The following DYNC1I1 variants were observed in gnomAD, a reference collection of about 807,000 sequenced individuals.
DYNC1I1 encodes the protein cytoplasmic dynein 1 intermediate chain 1.
A neutral mutation model predicts 86.6 loss-of-function variants in DYNC1I1; 43 were observed. The observed-to-expected ratio is 0.50, with a 90% CI of 0.39 to 0.64. The LOEUF (loss-of-function observed/expected upper bound fraction) is 0.64. Among genes scored for constraint, DYNC1I1 ranks in the 30% least tolerant of loss-of-function variants. The pLI is 0.00. For missense variants in DYNC1I1, 604 were observed against 788.8 expected (o/e 0.77, Z 2.81); for synonymous variants, 262 against 283.7 (o/e 0.92, Z 0.77).
intron 6 of DYNC1I1, among the ~76,000 whole-genome samples, chr7:95,914,480 C>T (rs1453565669): frequency 6.6e-6 from 1 of 152,074 alleles, no homozygotes; most frequent in Non-Finnish European, 1.5e-5. Flanking sequence ...ATATTTTCAC[C>T]CTTTAATAAA....
chr7:95,929,540 AT>A (rs774857385), intron 6 of DYNC1I1, among the ~76,000 whole-genome samples: 1 of 152,054 alleles, frequency 6.6e-6, no homozygotes, highest in Non-Finnish European at 1.5e-5. Flanking sequence ...TTGCTTGTAA[AT>A]TTTTTGAAAG....
intron 6 of DYNC1I1, among the ~76,000 whole-genome samples, chr7:95,955,970 C>T (rs961557417): frequency 6.6e-6 from 1 of 152,142 alleles, no homozygotes; most frequent in Admixed American, 6.5e-5. Flanking sequence ...TTGTTTATTA[C>T]ACTTGGCTAA....
intron 6 of DYNC1I1, among the ~76,000 whole-genome samples, chr7:95,912,407 T>A (rs929509586): frequency 6.6e-6 from 1 of 152,198 alleles, no homozygotes; most frequent in Non-Finnish European, 1.5e-5. Flanking sequence ...ATCTGGCTTG[T>A]TCTGTTCTCC....
At chr7:95,948,492 G>A (rs1792465412) in intron 6 of DYNC1I1, among the ~76,000 whole-genome samples, 1 of 152,144 alleles carries the variant, frequency 6.6e-6, no homozygotes, top group African/African-American at 2.4e-5. Flanking sequence ...GGGCACAGTG[G>A]GAGTGGCTTT....
intron 3 of DYNC1I1, among the ~76,000 whole-genome samples, chr7:95,812,461 T>C (rs796550805): frequency 6.6e-6 from 1 of 152,300 alleles, no homozygotes; most frequent in South Asian, 2.1e-4. Context: ...ATTTTCAGCT[T>C]GTGCCGACCT....
intron 1 of DYNC1I1, among the ~76,000 whole-genome samples, chr7:95,797,359 C>G (rs1794467139): frequency 6.6e-6 from 1 of 152,122 alleles, no homozygotes; most frequent in African/African-American, 2.4e-5. Flanking sequence ...ATATTTGTTG[C>G]TAATGATAAA....
Position 95,941,011 on chromosome 7 carries a change from C to T in DYNC1I1, c.491-36501C>T, listed in dbSNP as rs540023639. Among the ~76,000 whole-genome samples the T allele has an allele frequency of 3.9e-5, 6 of 152,336 alleles. No individual in the cohort carries two copies. The South Asian group carries it at 1.2e-3, about 32-fold the overall frequency. ...TCCTTTCTGTTTGTTAGTTTTCCTT[C>T]TAACAGACAGGACCCTCAGCTACAG... On this transcript the variant is annotated intron_variant, in intron 6 of 16. Coordinates refer to ENST00000447467, the MANE Select transcript of DYNC1I1 (RefSeq NM_001135556.2).
intron 10 of DYNC1I1, among the ~76,000 whole-genome samples, chr7:96,021,046 A>T (rs1445339188): frequency 6.6e-6 from 1 of 152,140 alleles, no homozygotes; most frequent in Non-Finnish European, 1.5e-5. Flanking sequence ...TTTAACGGGT[A>T]CCAAGTTTCA....
At chr7:95,860,435 A>G (rs926661045) in intron 5 of DYNC1I1, among the ~76,000 whole-genome samples, 2 of 152,220 alleles carry the variant, frequency 1.3e-5, no homozygotes, top group Admixed American at 6.5e-5. Context: ...AGGAAAATCT[A>G]TGGCAGCATC....
rs80240962 is a variant in DYNC1I1 at position 96,069,529 on chromosome 7, G to C, written c.1510-6528G>C. On this transcript the variant is annotated intron_variant, in intron 14 of 16. Transcript: ENST00000447467. ...AAAAGAGCATCCTTGCTTGCTTACT[G>C]TTTTCACAATGGTTCTATATAGATT... Among the ~76,000 whole-genome samples the C allele has an allele frequency of 5.2e-3, 788 of 152,246 alleles. 8 individuals carry two copies. Among genetic ancestry groups the C allele is most frequent in the African/African-American group, 0.018 (755 of 41,556 alleles).
intron 6 of DYNC1I1, among the ~76,000 whole-genome samples, chr7:95,897,353 GC>G (rs1258398982): frequency 6.6e-6 from 1 of 152,016 alleles, no homozygotes; most frequent in African/African-American, 2.4e-5. Context: ...TGAAGGTAGG[GC>G]CTGTTTGATA....
intron 14 of DYNC1I1, among the ~76,000 whole-genome samples, chr7:96,051,294 T>C (rs889158218): frequency 6.6e-6 from 1 of 152,228 alleles, no homozygotes; most frequent in Admixed American, 6.5e-5. Flanking sequence ...TCCCTTTCTT[T>C]AGACTTCAAT....
At chr7:95,791,362 C>G (rs1794297680) in intron 1 of DYNC1I1, among the ~76,000 whole-genome samples, 1 of 152,202 alleles carries the variant, frequency 6.6e-6, no homozygotes, top group South Asian at 2.1e-4. Context: ...GAGAATCTGG[C>G]TCCTTTATCA....
intron 6 of DYNC1I1, among the ~76,000 whole-genome samples, chr7:95,964,226 G>T (rs1488499): frequency 0.035 from 5,293 of 152,228 alleles, 140 homozygotes; most frequent in South Asian, 0.1. Context: ...ATGGTGAAAT[G>T]GGAGTCAGCA....
rs1482295838 is a variant in DYNC1I1, at chr7:96,035,648, C to T, written c.1260C>T (p.Ser420=). 1.9e-6 allele frequency: 3 copies of T among 1,610,102 alleles called. No individual in the cohort carries two copies. The highest frequency in any genetic ancestry group is 4.5e-5 in the East Asian group (2 of 44,732). ...GCATGGAGCTGGTGTACAATAAGTC[C>T]AAGCCTGTCGCTGTTACCGGAATGG... The part of the protein sequence containing the change: ...QESMELVYNK[S]KPVAVTGMAF... Residue 420 remains serine (S), a synonymous_variant, in exon 13 of 17, where the codon TCC becomes TCT. Coordinates refer to ENST00000447467, the MANE Select transcript of DYNC1I1 (RefSeq NM_001135556.2).
chr7:95,828,796 C>T (rs985218441), intron 5 of DYNC1I1, among the ~76,000 whole-genome samples: 1 of 152,094 alleles, frequency 6.6e-6, no homozygotes, highest in African/African-American at 2.4e-5. Flanking sequence ...ATCCTAGAAA[C>T]TCAATTTATT....
intron 16 of DYNC1I1, among the ~76,000 whole-genome samples, chr7:96,084,442 CTTTTTTT>C (rs11369815): frequency 1.6e-5 from 2 of 124,744 alleles, no homozygotes; most frequent in African/African-American, 5.9e-5. Context: ...TTTTTCTTTT[CTTTTTTT>C]TTTTTTTTTT....
rs534804007 is a variant in DYNC1I1 at position 96,108,210 on chromosome 7, C to A, written c.1543-1769C>A. 2.0e-5 allele frequency among the ~76,000 whole-genome samples: 3 copies of A among 151,906 alleles called. No individual in the cohort carries two copies. In the East Asian group the frequency reaches 5.8e-4, roughly 29 times the overall value. On this transcript the variant is annotated intron_variant, in intron 16 of 16. Transcript: ENST00000537881. ...GTTCAATTTAAATAATCATGATTTT[C>A]TTTTTAATTAGTGTAATATAACAAT...
chr7:95,831,325 T>G (rs2115943630), intron 5 of DYNC1I1, among the ~76,000 whole-genome samples: 1 of 152,230 alleles, frequency 6.6e-6, no homozygotes, highest in Non-Finnish European at 1.5e-5. Context: ...AGAACACAAT[T>G]CACCTATGAA....
Sources: allele counts gnomAD v4.1 joint callset (sites outside exome capture counted in the v4.1 genomes callset), GRCh38; gene constraint gnomAD v4.1.1; transcripts MANE v1.5; gene names NCBI Gene and HGNC (gene_info 2026-07-23, HGNC 2026-07-21).